The following SIL1 variants were observed in gnomAD, a reference collection of about 807,000 sequenced individuals.
The protein encoded by SIL1 is SIL1 nucleotide exchange factor.
A neutral mutation model predicts 49.1 loss-of-function variants in SIL1; 40 were observed. That is an observed-to-expected ratio of 0.81 (90% CI 0.63 to 1.06). SIL1 has a LOEUF of 1.06. Among genes scored for constraint, SIL1 ranks in the 50% least tolerant of loss-of-function variants. The probability of loss-of-function intolerance (pLI) is 0.00; values close to 1 mark genes in which losing one functional copy is unlikely to be tolerated. For missense variants in SIL1, 500 were observed against 572.6 expected, an observed-to-expected ratio of 0.87 and a Z score of 1.29; for synonymous variants, 253 against 250.8, an observed-to-expected ratio of 1.01 and a Z score of -0.08.
intron 4 of SIL1, among the ~76,000 whole-genome samples, chr5:139,049,470 C>A (rs1270733494): frequency 1.3e-5 from 2 of 152,160 alleles, no homozygotes; most frequent in Non-Finnish European, 1.5e-5. Flanking sequence ...AGCCACCACG[C>A]CCGACCTGCA....
rs1449791719 is a variant in SIL1 at position 139,042,855 on chromosome 5, G to C, written c.354-136C>G. 5.1e-6 allele frequency: 4 copies of C among 790,764 alleles called. No homozygotes were observed. In the Admixed American group the frequency reaches 5.9e-5, roughly 12 times the overall value. The allele number at this position is 790,764 out of a possible 1,614,324, so 49.0% of individuals were successfully genotyped here. On this transcript the variant is annotated intron_variant, in intron 4 of 9. Coordinates refer to ENST00000394817, the MANE Select transcript of SIL1 (RefSeq NM_022464.5). ...CTCTACAAAAAATTTAAAAATATTA[G>C]TTAGGATGTGATGGTATGTGCCTGT...
chr5:138,951,330 C>T lies in SIL1; in HGVS notation c.870G>A (p.Leu290=). ...GGCGCAGCAGGGAGCACAGTGCAAA[C>T]AGGACCTGGGGGCACAGACCCAGGG... ...EQPLTAKKKV[L]FALCSLLRHF... The change falls in exon 9 of 10, where the codon CTG becomes CTA. Residue 290 remains leucine, a synonymous_variant. Coordinates refer to ENST00000394817, the MANE Select transcript of SIL1 (RefSeq NM_022464.5). 1 of 1,553,750 alleles carries T rather than the reference C, an allele frequency of 6.4e-7. No homozygotes were observed. The highest frequency in any genetic ancestry group is 8.7e-7 in the Non-Finnish European group (1 of 1,148,100).
intron 1 of SIL1, among the ~76,000 whole-genome samples, chr5:139,165,030 C>A (rs997030741): frequency 6.6e-6 from 1 of 152,136 alleles, no homozygotes; most frequent in African/African-American, 2.4e-5. Flanking sequence ...TAGAGAATCC[C>A]CTACCCCCTT....
intron 3 of SIL1, among the ~76,000 whole-genome samples, chr5:139,079,019 C>T (rs1462728925): frequency 6.6e-6 from 1 of 152,176 alleles, no homozygotes; most frequent in Non-Finnish European, 1.5e-5. Flanking sequence ...TACTAAGAAA[C>T]TGAATTTTTA....
At chr5:138,949,704 A>AG (rs1383940057) in intron 9 of SIL1, among the ~76,000 whole-genome samples, 3 of 146,904 alleles carry the variant, frequency 2.0e-5, no homozygotes, top group African/African-American at 7.5e-5. Flanking sequence ...CCAGCTACTC[A>AG]GGGGGCTGAG....
In SIL1 at chr5:138,947,055, C is replaced by T; in HGVS notation, c.*62G>A. The T allele has an allele frequency of 7.4e-7, 1 of 1,343,774 alleles. No homozygotes were observed. Among genetic ancestry groups the T allele is most frequent in the Non-Finnish European group, 1.1e-6 (1 of 950,046 alleles). 83.2% of individuals were successfully genotyped at this position (1,343,774 alleles called of 1,614,324 possible). On this transcript the variant is annotated 3_prime_UTR_variant, in exon 10 of 10. Coordinates refer to ENST00000394817, the MANE Select transcript of SIL1 (RefSeq NM_022464.5). This position sits in a 1 kb window ranked among gnomAD's most constrained non-coding sequence, Gnocchi z 4.1. ...AAGATGTCCTCCTGCCTGAGAAGCC[C>T]ACCCACGCTGGCACCCCTCAGCCTC...
At chr5:139,138,578 C>T (rs1476967966) in intron 1 of SIL1, among the ~76,000 whole-genome samples, 1 of 152,164 alleles carries the variant, frequency 6.6e-6, no homozygotes, top group Non-Finnish European at 1.5e-5. Flanking sequence ...GCCAAGTCTC[C>T]CCTACTAGCT....
intron 1 of SIL1, among the ~76,000 whole-genome samples, chr5:139,175,464 TG>T (rs1226342454): frequency 3.9e-5 from 6 of 152,190 alleles, no homozygotes; most frequent in Admixed American, 1.3e-4. Flanking sequence ...CAGACAGACC[TG>T]TAACTAGCAA....
intron 1 of SIL1, among the ~76,000 whole-genome samples, chr5:139,129,600 A>T (rs764759497): frequency 6.6e-6 from 1 of 152,234 alleles, no homozygotes; most frequent in African/African-American, 2.4e-5. Flanking sequence ...TGCACCCAGG[A>T]GGCAGAGCTT....
chr5:139,086,608 C>T (rs907191184), intron 3 of SIL1, among the ~76,000 whole-genome samples: 3 of 151,868 alleles, frequency 2.0e-5, no homozygotes, highest in African/African-American at 7.2e-5. Context: ...CCCCCTGCCT[C>T]GGCCTCCCAA....
At chr5:138,962,904 C>A (rs1013232706) in intron 7 of SIL1, among the ~76,000 whole-genome samples, 1 of 152,130 alleles carries the variant, frequency 6.6e-6, no homozygotes, top group Admixed American at 6.5e-5. Context: ...TGGAAGAAAG[C>A]GGGCTAAAGA....
chr5:139,067,937 G>A (rs1266360822), intron 3 of SIL1, among the ~76,000 whole-genome samples: 1 of 152,176 alleles, frequency 6.6e-6, no homozygotes, highest in African/African-American at 2.4e-5. Context: ...ACAATGAGAA[G>A]CAATACAAAT....
At chr5:139,084,857 T>C (rs1175786361) in intron 3 of SIL1, among the ~76,000 whole-genome samples, 3 of 152,182 alleles carry the variant, frequency 2.0e-5, no homozygotes, top group Non-Finnish European at 4.4e-5. Context: ...GTAATTCCCA[T>C]AATCATCATT....
At chr5:139,139,094 C>A (rs1039266631) in intron 1 of SIL1, among the ~76,000 whole-genome samples, 7 of 152,210 alleles carry the variant, frequency 4.6e-5, no homozygotes, top group Non-Finnish European at 7.3e-5. Flanking sequence ...AGAGTAGGAA[C>A]AGCCGGGGCA....
intron 3 of SIL1, among the ~76,000 whole-genome samples, chr5:139,115,721 G>A (rs926812995): frequency 6.6e-6 from 1 of 152,104 alleles, no homozygotes. Flanking sequence ...AAACTCTTCC[G>A]TTTGGCTGTC....
intron 3 of SIL1, among the ~76,000 whole-genome samples, chr5:139,120,375 C>T (rs1039631693): frequency 3.9e-5 from 6 of 152,122 alleles, no homozygotes; most frequent in Non-Finnish European, 7.4e-5. Context: ...CACTGAGCCT[C>T]AGTGCTTTCA....
chr5:139,194,705 C>T (rs764467382), intron 1 of SIL1, among the ~76,000 whole-genome samples: 2 of 152,154 alleles, frequency 1.3e-5, no homozygotes, highest in Non-Finnish European at 2.9e-5. Flanking sequence ...CTAGGAATAG[C>T]GACTAAGGGA....
At chr5:139,045,955 C>T (rs1769149958) in intron 4 of SIL1, among the ~76,000 whole-genome samples, 1 of 152,222 alleles carries the variant, frequency 6.6e-6, no homozygotes, top group South Asian at 2.1e-4. Context: ...ACTGAAATGA[C>T]ATCCTAATTC....
rs555642068 is a variant in SIL1, at chr5:138,961,915, C to T, written c.768-10031G>A. Among the ~76,000 whole-genome samples, 192 of 150,348 alleles carry T rather than the reference C, an allele frequency of 1.3e-3. 1 individual carries two copies. The highest frequency in any genetic ancestry group is 4.3e-3 in the African/African-American group (175 of 40,912). ...GAGTTTTACCTTCCCCTTTTAGCTTCTCCAAACACAGTCACTTTCTGCTGA... is the reference window on the plus strand; with the variant it reads ...GAGTTTTACCTTCCCCTTTTAGCTTTTCCAAACACAGTCACTTTCTGCTGA... On this transcript the variant is annotated intron_variant, in intron 7 of 9. Transcript: ENST00000394817.
Sources: allele counts gnomAD v4.1 joint callset (sites outside exome capture counted in the v4.1 genomes callset), GRCh38; gene constraint gnomAD v4.1.1; non-coding constraint Gnocchi (gnomAD v3.1); transcripts MANE v1.5; gene names NCBI Gene and HGNC (gene_info 2026-07-23, HGNC 2026-07-21).